The following TBC1D2B variants were observed in gnomAD, a reference collection of about 807,000 sequenced individuals.
TBC1D2B encodes the protein TBC1 domain family member 2B.
TBC1D2B carries 64 observed loss-of-function variants against 100.8 expected under a neutral mutation model. That is an observed-to-expected ratio of 0.64 (90% CI 0.52 to 0.78). The LOEUF is 0.78. Among genes scored for constraint, TBC1D2B ranks in the 30% least tolerant of loss-of-function variants. The pLI is 0.00. For missense variants in TBC1D2B, 1,052 were observed against 1,218.4 expected, an observed-to-expected ratio of 0.86 and a Z score of 2.03; for synonymous variants, 480 against 479.7, an observed-to-expected ratio of 1.00 and a Z score of -0.01.
chr15:78,023,398 T>C (rs916592568), intron 6 of TBC1D2B, among the ~76,000 whole-genome samples: 2 of 152,110 alleles, frequency 1.3e-5, no homozygotes, highest in Non-Finnish European at 2.9e-5. Flanking sequence ...GCAGCAAGAA[T>C]GTTATGATCC....
chr15:77,998,654 T>C (rs1196247599), intron 12 of TBC1D2B: 1 of 331,404 alleles, frequency 3.0e-6, no homozygotes, highest in African/African-American at 2.1e-5. Flanking sequence ...GGGGTAAGAG[T>C]AGTGCCACCT....
chr15:78,076,568 G>GA (rs1034935815), intron 1 of TBC1D2B, among the ~76,000 whole-genome samples: 2 of 146,920 alleles, frequency 1.4e-5, no homozygotes, highest in African/African-American at 5.0e-5. Flanking sequence ...AACATAGTGA[G>GA]ACCCCCGTTT....
In TBC1D2B at chr15:78,003,448, G is replaced by A; in HGVS notation, c.2431C>T (p.Pro811Ser). The A allele has an allele frequency of 1.2e-6, 2 of 1,613,600 alleles. No homozygotes were observed. Among genetic ancestry groups the A allele is most frequent in the East Asian group, 2.2e-5 (1 of 44,872 alleles). ...VFRDLMSEKLPRLHGHFEQYK... is the reference protein window; with the variant it reads ...VFRDLMSEKLSRLHGHFEQYK... ...TGTTCAAAGTGGCCATGCAACCGAG[G>A]CAGCTTCTCACTCATAAGGTCTCTG... is the stretch of plus-strand genomic sequence containing the variant. Residue 811 changes from proline to serine, a missense_variant, in exon 11 of 13, where the codon CCT becomes TCT. This residue lies in a region of TBC1D2B where 373 missense variants were observed against 464.9 expected (regional missense o/e 0.80). Coordinates refer to ENST00000300584, the MANE Select transcript of TBC1D2B (RefSeq NM_144572.2).
Position 78,030,245 on chromosome 15 carries a change from G to A in TBC1D2B, c.684-75C>T, listed in dbSNP as rs1004060250. On this transcript the variant is annotated intron_variant, in intron 3 of 12. Coordinates refer to ENST00000300584, the MANE Select transcript of TBC1D2B (RefSeq NM_144572.2). ...AACGTAATCTCATGTATATAGGATT[G>A]GCAAAAATTTAAATATCTAATGATA... 7 of 1,295,866 alleles carry A rather than the reference G, an allele frequency of 5.4e-6. No homozygotes were observed. The African/African-American group carries it at 9.1e-5, about 17-fold the overall frequency. The allele number at this position is 1,295,866 out of a possible 1,614,324, so 80.3% of individuals were successfully genotyped here. A position where few individuals can be genotyped will look rare whatever the true frequency, so the allele number is the denominator to read the frequency against.
chr15:78,003,318 TAAAGG>T lies in TBC1D2B; in HGVS notation c.2556_2560del (p.Phe852LeufsTer2). On this transcript the variant is annotated frameshift_variant, in exon 11 of 13. Transcript: ENST00000300584. LOFTEE classifies it high-confidence loss of function. ...GAGCTAACTCACCTTTGGTCCTTCA[TAAAGG>T]AAAGAGTCCCATATTTTAAAGAGGA... 2 of 1,613,554 alleles carry T rather than the reference TAAAGG, an allele frequency of 1.2e-6. No homozygotes were observed. Among genetic ancestry groups the T allele is most frequent in the Non-Finnish European group, 1.7e-6 (2 of 1,179,638 alleles).
intron 4 of TBC1D2B, among the ~76,000 whole-genome samples, chr15:78,026,901 CAA>C (rs5813893): frequency 2.6e-4 from 29 of 110,456 alleles, no homozygotes; most frequent in Admixed American, 3.9e-4. Context: ...ATCTCCATCT[CAA>C]AAAAAAAAAA....
At chr15:78,039,201 T>C (rs1400035850) in intron 3 of TBC1D2B, among the ~76,000 whole-genome samples, 1 of 152,200 alleles carries the variant, frequency 6.6e-6, no homozygotes, top group African/African-American at 2.4e-5. Context: ...AAATCACAAG[T>C]ACCACATTAC....
intron 9 of TBC1D2B, among the ~76,000 whole-genome samples, chr15:78,011,208 C>T (rs2072214122): frequency 6.6e-6 from 1 of 152,186 alleles, no homozygotes; most frequent in African/African-American, 2.4e-5. Flanking sequence ...ACCACAGAGA[C>T]AATGACTTAC....
chr15:78,032,553 A>T (rs1181385616), intron 3 of TBC1D2B, among the ~76,000 whole-genome samples: 1 of 152,014 alleles, frequency 6.6e-6, no homozygotes, highest in Non-Finnish European at 1.5e-5. Flanking sequence ...ACAGAAACAG[A>T]CCAGAAACAA....
intron 4 of TBC1D2B, among the ~76,000 whole-genome samples, chr15:78,029,659 C>A (rs1317352505): frequency 6.6e-6 from 1 of 152,144 alleles, no homozygotes; most frequent in African/African-American, 2.4e-5. Context: ...ATTGTAGAAG[C>A]TGGATGATGT....
At chr15:78,041,283 A>G (rs2073089729) in intron 3 of TBC1D2B, among the ~76,000 whole-genome samples, 1 of 152,228 alleles carries the variant, frequency 6.6e-6, no homozygotes, top group African/African-American at 2.4e-5. Context: ...CATAATTACA[A>G]TAATAAGTAC....
chr15:78,011,643 TG>T (rs759300787), intron 9 of TBC1D2B, among the ~76,000 whole-genome samples: 2,423 of 14,484 alleles, frequency 0.17, 103 homozygotes, highest in South Asian at 0.28. Flanking sequence ...GCTAATTTTT[TG>T]GTTTTTTTTT....
chr15:78,017,440 A>C (rs2072405830), intron 7 of TBC1D2B, among the ~76,000 whole-genome samples: 1 of 152,248 alleles, frequency 6.6e-6, no homozygotes, highest in South Asian at 2.1e-4. Flanking sequence ...GCATAAATCA[A>C]AACCCAAATA....
chr15:78,036,828 C>T (rs2072955469), intron 3 of TBC1D2B, among the ~76,000 whole-genome samples: 1 of 152,150 alleles, frequency 6.6e-6, no homozygotes, highest in African/African-American at 2.4e-5. Flanking sequence ...CCAAGGACTT[C>T]GAGAGGCTGC....
chr15:78,003,512 G>A (rs763805701), intron 10 of TBC1D2B, 22 bp from the exon 11 acceptor site: 3 of 1,593,254 alleles, frequency 1.9e-6, no homozygotes, highest in Admixed American at 1.7e-5. Flanking sequence ...ACAAAGGGGA[G>A]AAGTGTATCA....
intron 1 of TBC1D2B, among the ~76,000 whole-genome samples, chr15:78,069,121 G>A (rs762050735): frequency 6.6e-6 from 1 of 152,186 alleles, no homozygotes; most frequent in Non-Finnish European, 1.5e-5. Flanking sequence ...CGAGGAGACT[G>A]GTCCACCCCC....
intron 9 of TBC1D2B, among the ~76,000 whole-genome samples, chr15:78,012,006 C>A (rs151008364): frequency 6.6e-6 from 1 of 152,182 alleles, no homozygotes; most frequent in African/African-American, 2.4e-5. Context: ...AACTCCCGGG[C>A]TCAAGCGATC....
chr15:78,025,533 A>G (rs1352188998), intron 4 of TBC1D2B, 36 bp from the exon 5 acceptor site: 1 of 1,413,498 alleles, frequency 7.1e-7, no homozygotes, highest in African/African-American at 1.5e-5. Context: ...TATTATTATT[A>G]TTATTATTTT....
chr15:78,074,927 CAT>C (rs2073804738), intron 1 of TBC1D2B, among the ~76,000 whole-genome samples: 1 of 152,316 alleles, frequency 6.6e-6, no homozygotes, highest in African/African-American at 2.4e-5. Context: ...CTTGATGTTT[CAT>C]ATGCCATGTA....
Sources: allele counts gnomAD v4.1 joint callset (sites outside exome capture counted in the v4.1 genomes callset), GRCh38; gene constraint gnomAD v4.1.1; regional missense constraint gnomAD v4.1.1; transcripts MANE v1.5; gene names NCBI Gene and HGNC (gene_info 2026-07-23, HGNC 2026-07-21).